Variants in CREB5 observed in about 807,000 individuals in gnomAD.
CREB5 encodes cyclic AMP-responsive element-binding protein 5.
Under a neutral mutation model 57.1 loss-of-function variants are expected in CREB5, and 19 were observed. That is an observed-to-expected ratio of 0.33 (90% CI 0.23 to 0.49). The LOEUF (loss-of-function observed/expected upper bound fraction) is 0.49. CREB5 is among the 20% of genes least tolerant of loss of function. The pLI, the probability that CREB5 is intolerant of heterozygous loss-of-function variation, is 0.99. For synonymous variants in CREB5, 238 were observed against 238.3 expected (o/e 1.00, Z 0.01); for missense variants, 579 against 671.6 (o/e 0.86, Z 1.52).
At chr7:28,697,791 A>G (rs1449610422) in intron 5 of CREB5, among the ~76,000 whole-genome samples, 2 of 152,166 alleles carry the variant, frequency 1.3e-5, no homozygotes, top group Non-Finnish European at 2.9e-5. Flanking sequence ...GGAAGGAATG[A>G]GTTAGAAAGG....
intron 5 of CREB5, among the ~76,000 whole-genome samples, chr7:28,678,259 G>A (rs1218586468): frequency 1.3e-5 from 2 of 151,996 alleles, no homozygotes; most frequent in Admixed American, 6.6e-5. Flanking sequence ...GTGGTGGTGT[G>A]CGCCTGTAGC....
intron 1 of CREB5, among the ~76,000 whole-genome samples, chr7:28,309,261 T>C (rs1381941000): frequency 2.0e-5 from 3 of 152,222 alleles, no homozygotes; most frequent in Non-Finnish European, 4.4e-5. Flanking sequence ...TCTGTTCTTC[T>C]GGAGAGCCCT....
At chr7:28,782,038 A>ACAGGCATGCACCGCCTGCCTGTAATCC (rs1807015574) in intron 7 of CREB5, among the ~76,000 whole-genome samples, 2 of 151,408 alleles carry the variant, frequency 1.3e-5, no homozygotes, top group African/African-American at 4.9e-5. Flanking sequence ...AGCTGGGATT[A>ACAGGCATGCACCGCCTGCCTGTAATCC]CAGGCATGCA....
At chr7:28,644,074 T>G (rs1274940995) in intron 5 of CREB5, among the ~76,000 whole-genome samples, 2 of 145,318 alleles carry the variant, frequency 1.4e-5, no homozygotes, top group African/African-American at 5.1e-5. Flanking sequence ...CAAGATTCAG[T>G]GTCAAAGAAA....
intron 4 of CREB5, among the ~76,000 whole-genome samples, chr7:28,516,217 T>A (rs216707): frequency 0.64 from 96,412 of 149,958 alleles, 31,267 homozygotes; most frequent in East Asian, 0.82. Context: ...GTATTTTTTT[T>A]AAAAAAAAAG....
At chr7:28,809,972 A>C (rs933849825) in intron 9 of CREB5, among the ~76,000 whole-genome samples, 6 of 152,194 alleles carry the variant, frequency 3.9e-5, no homozygotes, top group Non-Finnish European at 7.3e-5. Context: ...GATGGTCATT[A>C]TGTAGCTCTG....
chr7:28,317,498 C>T (rs1042539671), intron 1 of CREB5, among the ~76,000 whole-genome samples: 3 of 152,186 alleles, frequency 2.0e-5, no homozygotes, highest in South Asian at 4.1e-4. Context: ...CAATAGTTGA[C>T]GCTGTGGTAT....
intron 1 of CREB5, among the ~76,000 whole-genome samples, chr7:28,403,449 C>T (rs1231954296): frequency 6.6e-6 from 1 of 152,244 alleles, no homozygotes; most frequent in East Asian, 1.9e-4. Flanking sequence ...TCAGTAACTA[C>T]TAGTGTCAGA....
At chr7:28,353,720 G>A (rs1321003349) in intron 1 of CREB5, among the ~76,000 whole-genome samples, 1 of 151,976 alleles carries the variant, frequency 6.6e-6, no homozygotes, top group Non-Finnish European at 1.5e-5. Context: ...GCAGGCGCCT[G>A]TAGTCCCAGC....
At chr7:28,720,802 G>A (rs754040391) in intron 6 of CREB5, among the ~76,000 whole-genome samples, 25 of 152,060 alleles carry the variant, frequency 1.6e-4, no homozygotes, top group Non-Finnish European at 3.4e-4. Flanking sequence ...TCTTCTTTTA[G>A]GCTTTAAGTT....
intron 7 of CREB5, among the ~76,000 whole-genome samples, chr7:28,801,919 T>C (rs1808388505): frequency 6.6e-6 from 1 of 151,060 alleles, no homozygotes; most frequent in Admixed American, 6.6e-5. Flanking sequence ...ACCCTGTCTC[T>C]ACTAAAAATA....
chr7:28,532,883 C>A (rs978701924), intron 4 of CREB5, among the ~76,000 whole-genome samples: 1 of 152,206 alleles, frequency 6.6e-6, no homozygotes, highest in African/African-American at 2.4e-5. Context: ...ATAGCACCAA[C>A]CCCTTAGACA....
intron 5 of CREB5, among the ~76,000 whole-genome samples, chr7:28,622,404 A>C (rs907773154): frequency 5.3e-5 from 8 of 152,114 alleles, no homozygotes; most frequent in Non-Finnish European, 1.2e-4. Flanking sequence ...TGCCCTCTAT[A>C]AGGCAGCTAT....
chr7:28,389,771 C>T (rs1787178675), intron 1 of CREB5, among the ~76,000 whole-genome samples: 1 of 152,000 alleles, frequency 6.6e-6, no homozygotes, highest in Non-Finnish European at 1.5e-5. Flanking sequence ...TTGAAACAAG[C>T]GTCCCTCTGC....
intron 1 of CREB5, among the ~76,000 whole-genome samples, chr7:28,352,580 T>C (rs1218541931): frequency 6.6e-6 from 1 of 152,114 alleles, no homozygotes; most frequent in Non-Finnish European, 1.5e-5. Flanking sequence ...AGTGTGTGAG[T>C]TTCTCTTTGG....
intron 1 of CREB5, among the ~76,000 whole-genome samples, chr7:28,308,332 A>G (rs2127980691): frequency 6.6e-6 from 1 of 152,350 alleles, no homozygotes; most frequent in South Asian, 2.1e-4. Context: ...AGAGCACAAT[A>G]TGTAAGCCGC....
At chr7:28,461,506 G>T (rs1790349981) in intron 1 of CREB5, among the ~76,000 whole-genome samples, 1 of 152,090 alleles carries the variant, frequency 6.6e-6, no homozygotes, top group Admixed American at 6.6e-5. Context: ...AAGCCTGTTG[G>T]TAGTCATAAT....
chr7:28,788,889 C>T (rs575969160), intron 7 of CREB5, among the ~76,000 whole-genome samples: 6 of 151,478 alleles, frequency 4.0e-5, no homozygotes, highest in South Asian at 4.2e-4. Flanking sequence ...TCACAGCCCA[C>T]GCTGTACATC....
At chr7:28,696,225 A>T (rs1265908452) in intron 5 of CREB5, among the ~76,000 whole-genome samples, 1 of 152,208 alleles carries the variant, frequency 6.6e-6, no homozygotes. Flanking sequence ...GGATGTTTCT[A>T]ACTAATTAAT....
Sources: allele counts gnomAD v4.1 joint callset (sites outside exome capture counted in the v4.1 genomes callset), GRCh38; gene constraint gnomAD v4.1.1; transcripts MANE v1.5; gene names NCBI Gene and HGNC (gene_info 2026-07-23, HGNC 2026-07-21).